DPH7: variants seen among roughly 807,000 people sequenced by gnomAD.
DPH7 encodes diphthamide biosynthesis 7.
Under a neutral mutation model 41.7 loss-of-function variants are expected in DPH7, and 44 were observed. That is an observed-to-expected ratio of 1.05 (90% CI 0.83 to 1.36). DPH7 has a LOEUF of 1.36. Among genes scored for constraint, DPH7 ranks in the 40% most tolerant of loss-of-function variants. The probability of loss-of-function intolerance (pLI) is 0.00; values close to 1 mark genes in which losing one functional copy is unlikely to be tolerated. For synonymous variants in DPH7, 275 were observed against 238.0 expected, an observed-to-expected ratio of 1.16 and a Z score of -1.43; for missense variants, 629 against 577.5, an observed-to-expected ratio of 1.09 and a Z score of -0.91.
chr9:137,557,593 T>A (rs904395906), intron 8 of DPH7, among the ~76,000 whole-genome samples: 3 of 150,758 alleles, frequency 2.0e-5, no homozygotes, highest in African/African-American at 7.4e-5. Flanking sequence ...CCGAGGCAGG[T>A]GGATCACATG....
chr9:137,557,457 A>G (rs996977198), intron 8 of DPH7, among the ~76,000 whole-genome samples: 1 of 152,036 alleles, frequency 6.6e-6, no homozygotes, highest in African/African-American at 2.4e-5. Flanking sequence ...ATGAGCCAAG[A>G]TCGTGCCACT....
In DPH7 at chr9:137,556,217, G is replaced by C. The variant is rs1033072297; in HGVS notation, c.950-569C>G. Among the ~76,000 whole-genome samples the C allele has an allele frequency of 2.0e-5, 3 of 152,194 alleles. No homozygotes were observed. The highest frequency in any genetic ancestry group is 6.5e-5 in the Admixed American group (1 of 15,278). ...TTAAGTGAGCAGTTTCTTTATAGAA[G>C]TTGCTACGGCAACTGGAAAGAGGCC... On this transcript the variant is annotated intron_variant, in intron 8 of 8. Coordinates refer to ENST00000277540, the MANE Select transcript of DPH7 (RefSeq NM_138778.5). The surrounding 1 kb of genome is among the most constrained non-coding windows in gnomAD (Gnocchi z 5.2).
chr9:137,575,180 G>A lies in DPH7; in HGVS notation c.376-337C>T, dbSNP rs1841165583. 4 of 1,031,762 alleles carry A rather than the reference G, an allele frequency of 3.9e-6. No individual in the cohort carries two copies. In the African/African-American group the frequency reaches 5.1e-5, roughly 13 times the overall value. The allele number at this position is 1,031,762 out of a possible 1,614,324, so 63.9% of individuals were successfully genotyped here. A position where few individuals can be genotyped will look rare whatever the true frequency, so the allele number is the denominator to read the frequency against. On this transcript the variant is annotated intron_variant, in intron 3 of 8. Coordinates refer to ENST00000277540, the MANE Select transcript of DPH7 (RefSeq NM_138778.5). ...CCTGTGCAGGCTCCAGACCACAGTGGCACACACAGTTTCCCACCCCAGGCC... is the reference window on the plus strand; with the variant it reads ...CCTGTGCAGGCTCCAGACCACAGTGACACACACAGTTTCCCACCCCAGGCC...
chr9:137,573,518 A>C (rs1228410209), intron 5 of DPH7, among the ~76,000 whole-genome samples: 2 of 147,728 alleles, frequency 1.4e-5, no homozygotes, highest in South Asian at 4.3e-4. Context: ...CTCTCTAAAA[A>C]AAAAACTACA....
At position 137,556,791 on chromosome 9, in the gene DPH7, C is replaced by A. The variant is rs933766950; in HGVS notation, c.950-1143G>T. On this transcript the variant is annotated intron_variant, in intron 8 of 8. Coordinates refer to ENST00000277540, the MANE Select transcript of DPH7 (RefSeq NM_138778.5). This position sits in a 1 kb window ranked among gnomAD's most constrained non-coding sequence, Gnocchi z 5.2. ...CCAGCAATCGCTCAACACGTCCACT[C>A]GGGCCAGCAGGACCTCTTCTACAGC... 4.4e-6 allele frequency: 2 copies of A among 456,072 alleles called. No homozygotes were observed. Among genetic ancestry groups the A allele is most frequent in the Non-Finnish European group, 8.8e-6 (2 of 226,794 alleles). The allele number at this position is 456,072 out of a possible 1,614,324, so 28.3% of individuals were successfully genotyped here.
In DPH7 at chr9:137,577,516, C is replaced by A. The variant is rs1379713305; in HGVS notation, c.241G>T (p.Val81Phe). Residue 81 changes from valine (V) to phenylalanine (F), a missense_variant, in exon 2 of 9, where the codon GTC becomes TTC. Physicochemically the swap from Val to Phe is conservative, Grantham distance 50 (BLOSUM62 -1). Transcript: ENST00000277540. ...FNDNNSIHPL[V>F]EVQRKDTSAI... ...GAAGTATCTTTTCTTTGGACCTCGA[C>A]CAGAGGGTGAATAGAGTTGTTGTCA... 5 of 1,613,904 alleles carry A rather than the reference C, an allele frequency of 3.1e-6. No homozygotes were observed. Among genetic ancestry groups the A allele is most frequent in the South Asian group, 1.1e-5 (1 of 91,080 alleles).
intron 1 of DPH7, 109 bp downstream of exon 1, chr9:137,578,516 G>T: frequency 8.1e-7 from 1 of 1,239,472 alleles, no homozygotes. Context: ...CTACCTCCTG[G>T]CCAAAGGGCC....
At position 137,556,783 on chromosome 9, in the gene DPH7, C is replaced by T. The variant is rs769966288; in HGVS notation, c.950-1135G>A. ...TCTTTCATCCAGCAATCGCTCAACA[C>T]GTCCACTCGGGCCAGCAGGACCTCT... On this transcript the variant is annotated intron_variant, in intron 8 of 8. Coordinates refer to ENST00000277540, the MANE Select transcript of DPH7 (RefSeq NM_138778.5). This position sits in a 1 kb window ranked among gnomAD's most constrained non-coding sequence, Gnocchi z 5.2. 2.9e-5 allele frequency: 13 copies of T among 455,972 alleles called. No homozygotes were observed. Among genetic ancestry groups the T allele is most frequent in the Non-Finnish European group, 5.7e-5 (13 of 226,774 alleles). 28.2% of individuals were successfully genotyped at this position (455,972 alleles called of 1,614,324 possible). A position where few individuals can be genotyped will look rare whatever the true frequency, so the allele number is the denominator to read the frequency against.
chr9:137,560,322 C>A (rs1838286569), intron 8 of DPH7, among the ~76,000 whole-genome samples: 3 of 152,110 alleles, frequency 2.0e-5, no homozygotes, highest in South Asian at 4.2e-4. Context: ...GGGAGCACAA[C>A]AAATAGTCAA....
chr9:137,570,213 T>C (rs916349441), intron 5 of DPH7, among the ~76,000 whole-genome samples: 5 of 144,032 alleles, frequency 3.5e-5, no homozygotes, highest in Admixed American at 2.1e-4. Flanking sequence ...GGATACACAG[T>C]GAACATGACC....
chr9:137,574,508 C>T lies in DPH7; in HGVS notation c.468-128G>A, dbSNP rs144114588. On this transcript the variant is annotated intron_variant, in intron 4 of 8. Coordinates refer to ENST00000277540, the MANE Select transcript of DPH7 (RefSeq NM_138778.5). The stretch of plus-strand genomic sequence containing the variant: ...GCGGATATGCCCCTTAAGAGACTGG[C>T]GGCTAAGATCACAACCACTGCTAAG... The T allele has an allele frequency of 8.0e-4, 805 of 1,012,482 alleles. 15 individuals carry two copies. The East Asian group carries it at 0.02, about 25-fold the overall frequency. The allele number at this position is 1,012,482 out of a possible 1,614,324, so 62.7% of individuals were successfully genotyped here.
At chr9:137,576,869 G>A (rs1044828730) in intron 2 of DPH7, among the ~76,000 whole-genome samples, 1 of 150,590 alleles carries the variant, frequency 6.6e-6, no homozygotes, top group Non-Finnish European at 1.5e-5. Context: ...TAGCCCGGGC[G>A]ACAGAGCGAG....
chr9:137,577,383 C>T (rs960776931), intron 2 of DPH7, 87 bp downstream of exon 2: 2 of 1,344,892 alleles, frequency 1.5e-6, no homozygotes, highest in African/African-American at 1.4e-5. Flanking sequence ...GATGCAATGC[C>T]TGTCTTGTTG....
chr9:137,577,539 T>A lies in DPH7; in HGVS notation c.218A>T (p.Asp73Val). 1 of 1,614,046 alleles carries A rather than the reference T, an allele frequency of 6.2e-7. No individual in the cohort carries two copies. The change falls in exon 2 of 9, where the codon GAC becomes GTC. Residue 73 changes from aspartate to valine, a missense_variant. By Grantham distance (152) the Asp-to-Val change is radical (BLOSUM62 -3). Coordinates refer to ENST00000277540, the MANE Select transcript of DPH7 (RefSeq NM_138778.5). ...GACCAGAGGGTGAATAGAGTTGTTG[T>A]CATTGAAACTGTACAGGAAGAGACG... ...LGRLFLYSFNDNNSIHPLVEV... is the reference protein window; with the variant it reads ...LGRLFLYSFNVNNSIHPLVEV...
chr9:137,555,704 C>T (rs1218925984), intron 8 of DPH7, 56 bp from the exon 9 acceptor site: 14 of 1,516,594 alleles, frequency 9.2e-6, no homozygotes, highest in African/African-American at 1.4e-5. Flanking sequence ...AGCCTCTCCC[C>T]AACCTGTCAC....
At chr9:137,576,900 A>G (rs1357056792) in intron 2 of DPH7, among the ~76,000 whole-genome samples, 1 of 151,812 alleles carries the variant, frequency 6.6e-6, no homozygotes, top group Non-Finnish European at 1.5e-5. Context: ...AAAAAAAAAA[A>G]AAAGAGGCAT....
In DPH7 at chr9:137,556,300, G is replaced by T. The variant is rs528960890; in HGVS notation, c.950-652C>A. ...GGAATGACGAGGCGTGGCCAAACCC[G>T]AGGCGATCTGGAGTCCAGGAGGCAA... On this transcript the variant is annotated intron_variant, in intron 8 of 8. Transcript: ENST00000277540. This position sits in a 1 kb window ranked among gnomAD's most constrained non-coding sequence, Gnocchi z 5.2. Among the ~76,000 whole-genome samples, 5 of 152,208 alleles carry T rather than the reference G, an allele frequency of 3.3e-5. No individual in the cohort carries two copies.
At chr9:137,577,915 C>T (rs1344268756) in intron 1 of DPH7, 1 of 968,876 alleles carries the variant, frequency 1.0e-6, no homozygotes, top group African/African-American at 1.8e-5. Context: ...AATTTGGATC[C>T]TAATATGTAC....
chr9:137,577,315 T>TA (rs1841581142), intron 2 of DPH7, among the ~76,000 whole-genome samples, 155 bp downstream of exon 2: 1 of 152,044 alleles, frequency 6.6e-6, no homozygotes. Context: ...AAGCCCCAGG[T>TA]AAAGCACTCC....
Sources: allele counts gnomAD v4.1 joint callset (sites outside exome capture counted in the v4.1 genomes callset), GRCh38; gene constraint gnomAD v4.1.1; non-coding constraint Gnocchi (gnomAD v3.1); transcripts MANE v1.5; gene names NCBI Gene and HGNC (gene_info 2026-07-23, HGNC 2026-07-21).